ETV5: variants seen among roughly 807,000 people sequenced by gnomAD.
The protein encoded by ETV5 is ETS variant transcription factor 5.
ETV5 carries 10 observed loss-of-function variants against 70.0 expected under a neutral mutation model. The ratio of observed to expected loss-of-function variants is 0.14; its 90% CI spans 0.09 to 0.24. ETV5 has a LOEUF of 0.24. ETV5 is among the 10% of genes least tolerant of loss of function. The probability of loss-of-function intolerance (pLI) is 1.00; values close to 1 mark genes in which losing one functional copy is unlikely to be tolerated. For missense variants in ETV5, 453 were observed against 651.2 expected (o/e 0.70, Z 3.31); for synonymous variants, 216 against 242.2 (o/e 0.89, Z 1.01).
intron 5 of ETV5, among the ~76,000 whole-genome samples, chr3:186,099,130 G>C (rs1463204706): frequency 6.6e-6 from 1 of 152,082 alleles, no homozygotes; most frequent in Non-Finnish European, 1.5e-5. Flanking sequence ...TTTAACATCT[G>C]AGTTGCTAAC....
chr3:186,107,915 AT>A (rs1182058351), intron 1 of ETV5, among the ~76,000 whole-genome samples: 1 of 141,562 alleles, frequency 7.1e-6, no homozygotes, highest in Non-Finnish European at 1.5e-5. Flanking sequence ...CCCCGCCCCC[AT>A]TTCCAACGCA....
At chr3:186,092,960 T>C (rs746848502) in intron 5 of ETV5, among the ~76,000 whole-genome samples, 4 of 152,194 alleles carry the variant, frequency 2.6e-5, no homozygotes, top group Admixed American at 6.5e-5. Context: ...TGGCTGTATA[T>C]AGAACTGGTG....
chr3:186,065,386 T>C (rs1312131938), intron 8 of ETV5, among the ~76,000 whole-genome samples: 1 of 152,198 alleles, frequency 6.6e-6, no homozygotes, highest in East Asian at 1.9e-4. Flanking sequence ...TACCTCACAC[T>C]TGGTAATTTT....
chr3:186,085,090 C>T (rs1714025934), intron 5 of ETV5, among the ~76,000 whole-genome samples: 1 of 151,550 alleles, frequency 6.6e-6, no homozygotes, highest in African/African-American at 2.4e-5. Flanking sequence ...CTTCATTTTA[C>T]GAACACGAAA....
Position 186,080,097 on chromosome 3 carries a change from C to A in ETV5, c.370G>T (p.Asp124Tyr). Residue 124 changes from aspartate to tyrosine, a missense_variant, in exon 7 of 13, where the codon GAT becomes TAT. Physicochemically the swap from Asp to Tyr is radical, Grantham distance 160 (BLOSUM62 -3). Coordinates refer to ENST00000306376, the MANE Select transcript of ETV5 (RefSeq NM_004454.3). ...TTGAACCCAGAGGGAGGCTTCCTATCATAGGCACTGTAAACAGAAAAAGAG... is the reference window on the plus strand; with the variant it reads ...TTGAACCCAGAGGGAGGCTTCCTATAATAGGCACTGTAAACAGAAAAAGAG... ...EKCLYNYCAY[D>Y]RKPPSGFKPL... The A allele has an allele frequency of 1.3e-6, 2 of 1,481,780 alleles. No homozygotes were observed. Among genetic ancestry groups the A allele is most frequent in the Non-Finnish European group, 1.8e-6 (2 of 1,123,086 alleles). 91.8% of individuals were successfully genotyped at this position (1,481,780 alleles called of 1,614,324 possible).
At chr3:186,095,210 G>A (rs1578559576) in intron 5 of ETV5, 2 of 152,214 alleles carry the variant, frequency 1.3e-5, no homozygotes, top group African/African-American at 2.4e-5. Context: ...ATGACAGGGC[G>A]GCTTCCTCTA....
chr3:186,059,633 C>A (rs1371304615), intron 9 of ETV5, among the ~76,000 whole-genome samples: 1 of 152,152 alleles, frequency 6.6e-6, no homozygotes, highest in Non-Finnish European at 1.5e-5. Context: ...GCTCCTGGTA[C>A]ATAAGTGTGT....
intron 8 of ETV5, 47 bp from the exon 9 acceptor site, chr3:186,064,523 A>AGCAGAAACAGCACCT (rs1713389191): frequency 6.4e-7 from 1 of 1,559,400 alleles, no homozygotes. Flanking sequence ...TAGTTTCTGC[A>AGCAGAAACAGCACCT]GCAGAAACAG....
At chr3:186,101,254 G>C (rs1274325076) in intron 5 of ETV5, among the ~76,000 whole-genome samples, 1 of 152,150 alleles carries the variant, frequency 6.6e-6, no homozygotes, top group African/African-American at 2.4e-5. Flanking sequence ...CACACGAAAG[G>C]TGTCTTCTAG....
At chr3:186,108,241 C>T (rs1459749044) in intron 1 of ETV5, among the ~76,000 whole-genome samples, 2 of 151,790 alleles carry the variant, frequency 1.3e-5, no homozygotes, top group East Asian at 3.9e-4. Flanking sequence ...GAGGCTGCAG[C>T]ATCTTTCGGT....
chr3:186,071,705 C>A (rs543263145), intron 7 of ETV5, among the ~76,000 whole-genome samples: 2,296 of 151,196 alleles, frequency 0.015, 38 homozygotes, highest in South Asian at 0.031. Flanking sequence ...CTGTAATCCC[C>A]ACACTTTGGG....
rs1357995541 is a variant in ETV5 at position 186,105,499 on chromosome 3, G to A, written c.134-3C>T. 6 of 1,614,126 alleles carry A rather than the reference G, an allele frequency of 3.7e-6. No individual in the cohort carries two copies. The highest frequency in any genetic ancestry group is 5.1e-6 in the Non-Finnish European group (6 of 1,180,008). ...TTGACTGAGATCCTGAAATAGCTCT[G>A]AAATTGAAAAAGAAGACCCCAGAAT... On this transcript the variant is annotated splice_region_variant and splice_polypyrimidine_tract_variant and intron_variant, in intron 3 of 12. Transcript: ENST00000306376. The surrounding 1 kb of genome is among the most constrained non-coding windows in gnomAD (Gnocchi z 4.5).
chr3:186,092,079 A>C (rs931524633), intron 5 of ETV5, among the ~76,000 whole-genome samples: 1 of 152,210 alleles, frequency 6.6e-6, no homozygotes, highest in Non-Finnish European at 1.5e-5. Flanking sequence ...GTGCCATGTT[A>C]AAAAATGCTA....
At chr3:186,058,334 A>T (rs1268295557) in intron 9 of ETV5, among the ~76,000 whole-genome samples, 1 of 152,236 alleles carries the variant, frequency 6.6e-6, no homozygotes, top group Non-Finnish European at 1.5e-5. Flanking sequence ...GGATGGGGTC[A>T]CATCCCTCCT....
intron 8 of ETV5, 64 bp downstream of exon 8, chr3:186,065,749 A>T (rs1445725051): frequency 6.2e-6 from 10 of 1,603,906 alleles, no homozygotes; most frequent in African/African-American, 1.3e-5. Context: ...CATGTATAAG[A>T]CACTGAATAA....
In ETV5 at chr3:186,105,400, A is replaced by AG. The variant is rs747008711; in HGVS notation, c.182-46dup. 1.4e-4 allele frequency: 221 copies of AG among 1,611,984 alleles called. No individual in the cohort carries two copies. Among genetic ancestry groups the AG allele is most frequent in the Non-Finnish European group, 1.8e-4 (209 of 1,179,092 alleles). On this transcript the variant is annotated intron_variant, in intron 4 of 12. Coordinates refer to ENST00000306376, the MANE Select transcript of ETV5 (RefSeq NM_004454.3). This position sits in a 1 kb window ranked among gnomAD's most constrained non-coding sequence, Gnocchi z 4.5. ...TTTAGACCTTTAAGTTTTATTAAAA[A>AG]GCACAGTAAAATGTTTTATATGGAA...
At chr3:186,089,028 T>C (rs1714121629) in intron 5 of ETV5, among the ~76,000 whole-genome samples, 1 of 152,248 alleles carries the variant, frequency 6.6e-6, no homozygotes, top group African/African-American at 2.4e-5. Flanking sequence ...AAATCTATTA[T>C]ACCTCAATAT....
intron 9 of ETV5, among the ~76,000 whole-genome samples, chr3:186,062,142 C>T (rs889803660): frequency 2.0e-5 from 3 of 152,194 alleles, no homozygotes; most frequent in Admixed American, 6.5e-5. Context: ...AAAAGCATCC[C>T]CATGCAATGA....
Position 186,057,123 on chromosome 3 carries a change from A to G in ETV5, c.1161T>C (p.Ile387=), listed in dbSNP as rs749095616. 6.2e-7 allele frequency: 1 copy of G among 1,614,174 alleles called. No individual in the cohort carries two copies. The highest frequency in any genetic ancestry group is 1.1e-5 in the South Asian group (1 of 91,078). ...ACTCCATGCCTCGACCTGTCCAGGC[A>G]ATGAAGTGGGCATTGGCTGGGTCAT... The part of the protein sequence containing the change: ...LLDDPANAHF[I]AWTGRGMEFK... The change falls in exon 11 of 13, where the codon ATT becomes ATC. Residue 387 remains isoleucine, a synonymous_variant. Coordinates refer to ENST00000306376, the MANE Select transcript of ETV5 (RefSeq NM_004454.3). This position sits in a 1 kb window ranked among gnomAD's most constrained non-coding sequence, Gnocchi z 4.9.
Sources: allele counts gnomAD v4.1 joint callset (sites outside exome capture counted in the v4.1 genomes callset), GRCh38; gene constraint gnomAD v4.1.1; non-coding constraint Gnocchi (gnomAD v3.1); transcripts MANE v1.5; gene names NCBI Gene and HGNC (gene_info 2026-07-23, HGNC 2026-07-21).